Variants in GRIP1 observed in about 807,000 individuals in gnomAD.
GRIP1 encodes glutamate receptor-interacting protein 1.
A neutral mutation model predicts 129.9 loss-of-function variants in GRIP1; 45 were observed. That is an observed-to-expected ratio of 0.35 (90% CI 0.27 to 0.44). The LOEUF (loss-of-function observed/expected upper bound fraction) is 0.44. GRIP1 is among the 20% of genes least tolerant of loss of function. The probability of loss-of-function intolerance (pLI) is 1.00; values close to 1 mark genes in which losing one functional copy is unlikely to be tolerated. For synonymous variants in GRIP1, 530 were observed against 520.8 expected, an observed-to-expected ratio of 1.02 and a Z score of -0.24; for missense variants, 1,196 against 1,396.8, an observed-to-expected ratio of 0.86 and a Z score of 2.29.
chr12:67,028,574 T>C (rs542834001), intron 1 of GRIP1, among the ~76,000 whole-genome samples: 1 of 152,332 alleles, frequency 6.6e-6, no homozygotes, highest in East Asian at 1.9e-4. Context: ...TAGACGTTTA[T>C]GAATAGTTTT....
intron 1 of GRIP1, among the ~76,000 whole-genome samples, chr12:66,677,823 G>T (rs2034408540): frequency 1.3e-5 from 2 of 152,208 alleles, no homozygotes; most frequent in African/African-American, 4.8e-5. Context: ...GGTGATCAAA[G>T]AATTCTGATA....
chr12:66,711,800 G>A (rs1406250570), intron 1 of GRIP1, among the ~76,000 whole-genome samples: 2 of 151,798 alleles, frequency 1.3e-5, no homozygotes, highest in African/African-American at 4.8e-5. Context: ...TGAGAAAGTA[G>A]GATTAATAAT....
At chr12:66,620,795 C>T (rs1307674959) in intron 1 of GRIP1, among the ~76,000 whole-genome samples, 1 of 151,718 alleles carries the variant, frequency 6.6e-6, no homozygotes, top group African/African-American at 2.4e-5. Flanking sequence ...CCCCCCCAGA[C>T]TTTTAATGGC....
At chr12:66,677,185 C>T (rs1003491641) in intron 1 of GRIP1, among the ~76,000 whole-genome samples, 10 of 152,100 alleles carry the variant, frequency 6.6e-5, no homozygotes, top group Admixed American at 1.3e-4. Context: ...AGATTTTTAG[C>T]GACTATCTTA....
intron 1 of GRIP1, among the ~76,000 whole-genome samples, chr12:66,641,384 T>C (rs750981014): frequency 3.3e-5 from 5 of 152,170 alleles, no homozygotes; most frequent in East Asian, 3.9e-4. Flanking sequence ...ATAAGTCAGA[T>C]TGGGGGAGGA....
chr12:66,830,377 AAAGTT>A (rs1320143262), intron 1 of GRIP1, among the ~76,000 whole-genome samples: 1 of 152,152 alleles, frequency 6.6e-6, no homozygotes, highest in Non-Finnish European at 1.5e-5. Context: ...TAAGAAGGTG[AAAGTT>A]AAGAGATGTG....
intron 2 of GRIP1, among the ~76,000 whole-genome samples, chr12:66,579,009 C>G (rs1045734826): frequency 2.6e-5 from 4 of 152,192 alleles, no homozygotes; most frequent in African/African-American, 9.6e-5. Context: ...GAGGCACCCC[C>G]CAGTAGGGGC....
intron 1 of GRIP1, among the ~76,000 whole-genome samples, chr12:66,792,736 C>G (rs1368727776): frequency 6.6e-6 from 1 of 151,738 alleles, no homozygotes. Context: ...AAGTAAAAAA[C>G]AAAACCTTCT....
At chr12:66,605,363 A>T (rs182999072) in intron 1 of GRIP1, among the ~76,000 whole-genome samples, 57 of 152,268 alleles carry the variant, frequency 3.7e-4, no homozygotes, top group African/African-American at 1.3e-3. Flanking sequence ...GGCTCTCAAG[A>T]GTCCTTCTTT....
chr12:66,440,969 C>A (rs147915540), intron 13 of GRIP1, among the ~76,000 whole-genome samples: 164 of 152,324 alleles, frequency 1.1e-3, no homozygotes, highest in Non-Finnish European at 1.7e-3. Flanking sequence ...GGTGTCCAGT[C>A]TCTTTCATCC....
chr12:66,721,349 A>C (rs965081905), intron 1 of GRIP1, among the ~76,000 whole-genome samples: 6 of 152,082 alleles, frequency 3.9e-5, no homozygotes, highest in Admixed American at 3.3e-4. Context: ...ATCTCAGCTC[A>C]CTGCAACCTC....
intron 2 of GRIP1, among the ~76,000 whole-genome samples, chr12:66,582,076 C>A (rs550172265): frequency 2.0e-5 from 3 of 152,158 alleles, no homozygotes; most frequent in Admixed American, 6.5e-5. Context: ...TGGGCTTCAA[C>A]CCTGGGATGC....
chr12:66,799,599 A>G (rs1321810205), intron 1 of GRIP1, among the ~76,000 whole-genome samples: 1 of 151,884 alleles, frequency 6.6e-6, no homozygotes, highest in African/African-American at 2.4e-5. Context: ...GTCATCCCCC[A>G]CAGACTGAGG....
chr12:66,371,819 G>A lies in GRIP1; in HGVS notation c.2887C>T (p.His963Tyr), dbSNP rs1370679675. 1 of 1,613,762 alleles carries A rather than the reference G, an allele frequency of 6.2e-7. No homozygotes were observed. The highest frequency in any genetic ancestry group is 2.2e-5 in the East Asian group (1 of 44,882). Residue 963 changes from histidine (H) to tyrosine (Y), a missense_variant, in exon 23 of 25, where the codon CAC (histidine) becomes TAC (tyrosine). By Grantham distance (83) the His-to-Tyr change is moderately conservative. Transcript: ENST00000359742. The part of the protein sequence containing the change: ...SFQERSSSRP[H>Y]YSQTTRSNTL... The stretch of plus-strand genomic sequence containing the variant: ...TTGCTCCGAGTTGTTTGGCTGTAGT[G>A]CGGCCGCGAGCTGCTGCGCTCCTGG...
At chr12:66,853,589 T>C (rs1010772348) in intron 1 of GRIP1, among the ~76,000 whole-genome samples, 4 of 152,080 alleles carry the variant, frequency 2.6e-5, no homozygotes, top group African/African-American at 9.7e-5. Context: ...GAATCCAAGC[T>C]GCTCCCCAGC....
intron 1 of GRIP1, among the ~76,000 whole-genome samples, chr12:66,723,212 TTC>T (rs1555230303): frequency 9.0e-5 from 5 of 55,384 alleles, no homozygotes; most frequent in South Asian, 6.9e-4. Context: ...TTTTCTTTCT[TTC>T]TTTCTTTCTT....
intron 20 of GRIP1, among the ~76,000 whole-genome samples, chr12:66,378,206 C>T (rs1418867784): frequency 1.3e-5 from 2 of 152,028 alleles, no homozygotes; most frequent in Non-Finnish European, 2.9e-5. Context: ...CTTTGGGAGG[C>T]CTAGGTGGGC....
chr12:66,757,963 CT>C (rs769194116), intron 1 of GRIP1, among the ~76,000 whole-genome samples: 77 of 151,902 alleles, frequency 5.1e-4, no homozygotes, highest in Middle Eastern at 3.2e-3. Context: ...CATAAAAAAT[CT>C]TATTATTTTT....
At chr12:66,691,220 C>T (rs189750635) in intron 1 of GRIP1, among the ~76,000 whole-genome samples, 1 of 152,296 alleles carries the variant, frequency 6.6e-6, no homozygotes, top group African/African-American at 2.4e-5. Context: ...TTCTCATAGT[C>T]AAGGTTTTTC....
Sources: allele counts gnomAD v4.1 joint callset (sites outside exome capture counted in the v4.1 genomes callset), GRCh38; gene constraint gnomAD v4.1.1; transcripts MANE v1.5; gene names NCBI Gene and HGNC (gene_info 2026-07-23, HGNC 2026-07-21).